Variants in CDK14 observed in about 807,000 individuals in gnomAD.
CDK14 encodes cyclin dependent kinase 14.
CDK14 carries 34 observed loss-of-function variants against 60.7 expected under a neutral mutation model. The observed-to-expected ratio is 0.56, with a 90% CI of 0.43 to 0.75. CDK14 has a LOEUF of 0.75. Among genes scored for constraint, CDK14 ranks in the 30% least tolerant of loss-of-function variants. The probability of loss-of-function intolerance (pLI) is 0.00; values close to 1 mark genes in which losing one functional copy is unlikely to be tolerated. For synonymous variants in CDK14, 197 were observed against 203.7 expected (o/e 0.97, Z 0.28); for missense variants, 482 against 564.1 (o/e 0.85, Z 1.47).
intron 12 of CDK14, among the ~76,000 whole-genome samples, chr7:91,110,821 C>G (rs1167711031): frequency 6.6e-6 from 1 of 152,104 alleles, no homozygotes; most frequent in East Asian, 1.9e-4. Flanking sequence ...ATACTGTTCA[C>G]CATAATTAAC....
intron 8 of CDK14, among the ~76,000 whole-genome samples, chr7:90,945,400 A>C (rs539172010): frequency 6.6e-6 from 1 of 152,306 alleles, no homozygotes; most frequent in East Asian, 1.9e-4. Context: ...TGTTCGATGA[A>C]GGGACTGTTT....
chr7:90,982,580 C>G (rs767719882), intron 9 of CDK14, among the ~76,000 whole-genome samples: 9 of 152,148 alleles, frequency 5.9e-5, no homozygotes, highest in Non-Finnish European at 1.2e-4. Flanking sequence ...TGTCTAGAGA[C>G]TACAATACTT....
At chr7:90,924,547 A>G (rs1334595094) in intron 8 of CDK14, among the ~76,000 whole-genome samples, 2 of 152,224 alleles carry the variant, frequency 1.3e-5, no homozygotes, top group African/African-American at 2.4e-5. Context: ...CTCCACTACT[A>G]TATGTCAATA....
At chr7:91,022,291 A>G (rs1486867263) in intron 10 of CDK14, among the ~76,000 whole-genome samples, 1 of 152,208 alleles carries the variant, frequency 6.6e-6, no homozygotes, top group African/African-American at 2.4e-5. Context: ...CTCATCATTT[A>G]GAGTAGGGTT....
intron 2 of CDK14, among the ~76,000 whole-genome samples, chr7:90,684,324 A>G (rs1367492855): frequency 6.6e-6 from 1 of 152,170 alleles, no homozygotes; most frequent in Non-Finnish European, 1.5e-5. Flanking sequence ...AGTTTTTATA[A>G]ACATATAGAT....
rs376448497 is a variant in CDK14, at chr7:91,112,569, C to A, written c.1182C>A (p.Asp394Glu). 1.7e-4 allele frequency: 281 copies of A among 1,613,536 alleles called. No individual in the cohort carries two copies. Among genetic ancestry groups the A allele is most frequent in the Non-Finnish European group, 2.3e-4 (276 of 1,179,782 alleles). ...TCAGCTATGTGAACCATGCAGAGGA[C>A]CTGGCCTCCAAGCTCCTACAATGTT... is the stretch of plus-strand genomic sequence containing the variant. ...NKLSYVNHAE[D>E]LASKLLQCSP... Residue 394 changes from aspartate to glutamate, a missense_variant, in exon 13 of 15, where the codon GAC (aspartate) becomes GAA (glutamate). By Grantham distance (45) the Asp-to-Glu change is conservative. Transcript: ENST00000380050.
At chr7:90,929,100 A>T (rs1186707196) in intron 8 of CDK14, among the ~76,000 whole-genome samples, 1 of 151,946 alleles carries the variant, frequency 6.6e-6, no homozygotes, top group Non-Finnish European at 1.5e-5. Context: ...GAGTGTCTCG[A>T]TTTTCCATTT....
intron 7 of CDK14, among the ~76,000 whole-genome samples, chr7:90,909,995 C>T (rs1476848342): frequency 6.6e-6 from 1 of 152,124 alleles, no homozygotes; most frequent in Non-Finnish European, 1.5e-5. Context: ...TTTCCAAGAA[C>T]TGGATCTTTA....
intron 14 of CDK14, among the ~76,000 whole-genome samples, chr7:91,119,161 G>C (rs894113146): frequency 6.6e-6 from 1 of 152,074 alleles, no homozygotes; most frequent in Non-Finnish European, 1.5e-5. Context: ...GTAGAGAAAA[G>C]TGTGTCTTTG....
chr7:91,047,969 G>A (rs140213543), intron 11 of CDK14, among the ~76,000 whole-genome samples: 83 of 152,264 alleles, frequency 5.5e-4, no homozygotes, highest in African/African-American at 1.9e-3. Flanking sequence ...GCTAGGGTCC[G>A]CCTGTCCCAA....
intron 2 of CDK14, among the ~76,000 whole-genome samples, chr7:90,638,759 C>G (rs9768405): frequency 0.092 from 14,034 of 152,220 alleles, 834 homozygotes; most frequent in South Asian, 0.15. Flanking sequence ...TCGTCACTTT[C>G]AGGTACACCA....
intron 2 of CDK14, among the ~76,000 whole-genome samples, chr7:90,700,353 A>G (rs939880123): frequency 1.3e-5 from 2 of 152,124 alleles, no homozygotes; most frequent in African/African-American, 4.8e-5. Context: ...TGGCCTCCCA[A>G]AGTGCTAGGA....
chr7:91,059,012 C>A (rs566064175), intron 11 of CDK14, among the ~76,000 whole-genome samples: 2 of 152,172 alleles, frequency 1.3e-5, no homozygotes, highest in East Asian at 3.9e-4. Context: ...TGGTAGAATT[C>A]GACTATGAGT....
At chr7:90,738,196 G>A (rs1035835899) in intron 3 of CDK14, among the ~76,000 whole-genome samples, 1 of 152,120 alleles carries the variant, frequency 6.6e-6, no homozygotes, top group African/African-American at 2.4e-5. Context: ...TTCTAGTTCT[G>A]CCAGTAACTA....
rs1226991301 is a variant in CDK14, at chr7:90,966,596, C to G, written c.947+10779C>G. ...TTCCCTTTTTTTCAGCTCAGTGCCTCACCCTGCTCTCTTCTGCAACTTTTA... is the reference window on the plus strand; with the variant it reads ...TTCCCTTTTTTTCAGCTCAGTGCCTGACCCTGCTCTCTTCTGCAACTTTTA... On this transcript the variant is annotated intron_variant, in intron 9 of 14. Transcript: ENST00000380050. Among the ~76,000 whole-genome samples, 4 of 152,226 alleles carry G rather than the reference C, an allele frequency of 2.6e-5. No individual in the cohort carries two copies. The South Asian group carries it at 8.3e-4, about 32-fold the overall frequency.
chr7:90,712,938 C>G (rs988701609), intron 2 of CDK14, among the ~76,000 whole-genome samples: 17 of 152,062 alleles, frequency 1.1e-4, no homozygotes, highest in Non-Finnish European at 2.1e-4. Flanking sequence ...TTAATTGGTT[C>G]ATTATCATTC....
intron 2 of CDK14, among the ~76,000 whole-genome samples, chr7:90,629,085 T>A (rs760563191): frequency 9.2e-4 from 140 of 152,134 alleles, no homozygotes; most frequent in African/African-American, 2.9e-3. Context: ...TTATATATAT[T>A]TTTTTAAATT....
chr7:90,791,138 G>A (rs1805813558), intron 5 of CDK14, among the ~76,000 whole-genome samples: 2 of 151,766 alleles, frequency 1.3e-5, no homozygotes, highest in South Asian at 4.2e-4. Context: ...ATATATTAGG[G>A]TCATTTATGT....
At chr7:91,022,829 AG>A (rs1796466132) in intron 10 of CDK14, among the ~76,000 whole-genome samples, 1 of 152,202 alleles carries the variant, frequency 6.6e-6, no homozygotes, top group Non-Finnish European at 1.5e-5. Flanking sequence ...AAAGCTCATT[AG>A]ATCTTTCTGA....
Sources: gnomAD v4.1 joint callset for allele counts (sites outside exome capture counted in the v4.1 genomes callset) on GRCh38, gnomAD v4.1.1 for gene constraint, MANE v1.5 for transcripts, NCBI Gene and HGNC (gene_info 2026-07-23, HGNC 2026-07-21) for gene names.